Variants in ABCD2 observed in about 807,000 individuals in gnomAD.
ABCD2 encodes the protein ATP binding cassette subfamily D member 2, also known as ATP-binding cassette sub-family D member 2.
A neutral mutation model predicts 70.9 loss-of-function variants in ABCD2; 36 were observed. The observed-to-expected ratio is 0.51, with a 90% CI of 0.39 to 0.67. The LOEUF is 0.67. ABCD2 is among the 30% of genes least tolerant of loss of function. The pLI is 0.00. For synonymous variants in ABCD2, 304 were observed against 306.9 expected (o/e 0.99, Z 0.10); for missense variants, 729 against 890.2 (o/e 0.82, Z 2.30).
At chr12:39,548,168 A>T (rs1941044519), downstream of ABCD2, among the ~76,000 whole-genome samples, 1 of 152,068 alleles carries the variant, frequency 6.6e-6, no homozygotes, top group African/African-American at 2.4e-5. Flanking sequence ...CAGAAGGGTA[A>T]ACAACTAATA....
intron 2 of ABCD2, among the ~76,000 whole-genome samples, chr12:39,615,968 A>G (rs1942109497): frequency 6.6e-6 from 1 of 152,134 alleles, no homozygotes; most frequent in Non-Finnish European, 1.5e-5. Flanking sequence ...CATAAACATT[A>G]TTCAGTTAAA....
intron 9 of ABCD2, among the ~76,000 whole-genome samples, chr12:39,559,885 C>G (rs961836455): frequency 5.3e-5 from 8 of 152,036 alleles, no homozygotes; most frequent in Non-Finnish European, 8.8e-5. Context: ...GAGTTCTTCA[C>G]ATTGAAAGAA....
intron 9 of ABCD2, among the ~76,000 whole-genome samples, chr12:39,565,866 T>TGTTATC (rs1370587565): frequency 3.3e-5 from 5 of 152,204 alleles, no homozygotes; most frequent in African/African-American, 1.2e-4. Flanking sequence ...TAGAGGCCTT[T>TGTTATC]TCTGCATCTA....
chr12:39,579,046 T>C (rs1001983027), intron 8 of ABCD2, among the ~76,000 whole-genome samples: 5 of 152,134 alleles, frequency 3.3e-5, no homozygotes, highest in African/African-American at 1.2e-4. Context: ...GAAAAACAAA[T>C]ACTTGGAGAT....
At chr12:39,556,374 A>G (rs1018432853) in intron 9 of ABCD2, among the ~76,000 whole-genome samples, 3 of 152,168 alleles carry the variant, frequency 2.0e-5, no homozygotes, top group Non-Finnish European at 4.4e-5. Context: ...AGGCGTAGGC[A>G]GTTGGATCAT....
intron 6 of ABCD2, among the ~76,000 whole-genome samples, chr12:39,588,853 T>C (rs760613332): frequency 6.6e-6 from 1 of 152,006 alleles, no homozygotes; most frequent in Non-Finnish European, 1.5e-5. Flanking sequence ...AAAGAAACTA[T>C]AATAAATAGA....
At chr12:39,554,997 C>G (rs1032172039) in intron 9 of ABCD2, among the ~76,000 whole-genome samples, 1 of 149,714 alleles carries the variant, frequency 6.7e-6, no homozygotes, top group Non-Finnish European at 1.5e-5. Context: ...TAACTATGAT[C>G]GGTGGGCTTT....
At chr12:39,579,413 A>C (rs1204165121) in intron 8 of ABCD2, 122 bp downstream of exon 8, 4 of 669,250 alleles carry the variant, frequency 6.0e-6, no homozygotes, top group Non-Finnish European at 1.0e-5. Flanking sequence ...CTAATTTTGT[A>C]GTAAGATATT....
intron 2 of ABCD2, among the ~76,000 whole-genome samples, 174 bp from the exon 3 acceptor site, chr12:39,607,888 C>T (rs1364491164): frequency 6.6e-6 from 1 of 151,890 alleles, no homozygotes; most frequent in East Asian, 1.9e-4. Context: ...AGTGTTTGGG[C>T]TGGGTGCAGT....
At chr12:39,570,499 T>C (rs1310974639) in intron 9 of ABCD2, among the ~76,000 whole-genome samples, 1 of 152,184 alleles carries the variant, frequency 6.6e-6, no homozygotes, top group African/African-American at 2.4e-5. Flanking sequence ...GGCAGTATCC[T>C]CAATAAATTG....
chr12:39,532,429 G>A, the ABCD2 span, among the ~76,000 whole-genome samples: 1 of 151,890 alleles, frequency 6.6e-6, no homozygotes, highest in Admixed American at 6.6e-5. Context: ...TATTTTTTTT[G>A]CCAGTTTGAT....
intron 9 of ABCD2, 36 bp downstream of exon 9, chr12:39,573,680 A>C (rs767296686): frequency 6.3e-7 from 1 of 1,582,144 alleles, no homozygotes; most frequent in South Asian, 1.2e-5. Flanking sequence ...TTTAAGGAAA[A>C]ACCATCTACC....
At position 39,568,649 on chromosome 12, in the gene ABCD2, G is replaced by A. The variant is rs138823635; in HGVS notation, c.2003+5067C>T. Reference sequence around the variant, plus strand: ...ACTCGTCAAAGTCATTTTCCATCCAGCTTTGTTCCGTTGCTGGTGAGGAGC... The same window carrying A: ...ACTCGTCAAAGTCATTTTCCATCCAACTTTGTTCCGTTGCTGGTGAGGAGC... On this transcript the variant is annotated intron_variant, in intron 9 of 9. Transcript: ENST00000308666. Among the ~76,000 whole-genome samples, 440 of 152,258 alleles carry A rather than the reference G, an allele frequency of 2.9e-3. 7 individuals are homozygous for A. In the East Asian group the frequency reaches 0.07, roughly 24 times the overall value.
At chr12:39,600,797 T>C (rs1941886750) in intron 5 of ABCD2, 81 bp from the exon 6 acceptor site, 1 of 1,311,662 alleles carries the variant, frequency 7.6e-7, no homozygotes, top group South Asian at 1.4e-5. Context: ...ATTATTTTTT[T>C]AAAATGTTCG....
intron 9 of ABCD2, among the ~76,000 whole-genome samples, chr12:39,564,351 T>A (rs984832427): frequency 6.6e-6 from 1 of 152,164 alleles, no homozygotes; most frequent in Admixed American, 6.5e-5. Flanking sequence ...CTCACTGTGG[T>A]TTTTGATTTG....
At chr12:39,613,639 G>A in intron 2 of ABCD2, among the ~76,000 whole-genome samples, 1 of 152,050 alleles carries the variant, frequency 6.6e-6, no homozygotes, top group East Asian at 1.9e-4. Context: ...TAGCTAATAT[G>A]GTGGCAGCAT....
In ABCD2 at chr12:39,579,622, T is replaced by C; in HGVS notation, c.1793-3A>G. ...CCAGTCCATAACAGCATCCCATCCT[T>C]AAGAAAATAAAAAAATATACATTTT... is the stretch of plus-strand genomic sequence containing the variant. On this transcript the variant is annotated splice_polypyrimidine_tract_variant and splice_region_variant and intron_variant, in intron 7 of 9. Transcript: ENST00000308666. The C allele has an allele frequency of 6.3e-7, 1 of 1,595,810 alleles. No individual in the cohort carries two copies. The highest frequency in any genetic ancestry group is 8.6e-7 in the Non-Finnish European group (1 of 1,169,430).
intron 9 of ABCD2, among the ~76,000 whole-genome samples, chr12:39,559,813 C>T (rs551781684): frequency 1.3e-5 from 2 of 152,196 alleles, no homozygotes; most frequent in Non-Finnish European, 2.9e-5. Flanking sequence ...TAGACTTTCC[C>T]ACACAAACTA....
chr12:39,553,161 T>C lies in ABCD2; in HGVS notation c.*751A>G, dbSNP rs1379846731. 6.6e-6 allele frequency: 1 copy of C among 152,042 alleles called. No individual in the cohort carries two copies. Among genetic ancestry groups the C allele is most frequent in the Admixed American group, 6.6e-5 (1 of 15,256 alleles). 9.4% of individuals were successfully genotyped at this position (152,042 alleles called of 1,614,324 possible). ...CTGAACAGAAGTTGCAATAGGTAAT[T>C]CTGCTAAGGAAATTATCAGGTTGAG... On this transcript the variant is annotated 3_prime_UTR_variant, in exon 10 of 10. Coordinates refer to ENST00000308666, the MANE Select transcript of ABCD2 (RefSeq NM_005164.4).
Sources: gnomAD v4.1 joint callset for allele counts (sites outside exome capture counted in the v4.1 genomes callset) on GRCh38, gnomAD v4.1.1 for gene constraint, MANE v1.5 for transcripts, NCBI Gene and HGNC (gene_info 2026-07-23, HGNC 2026-07-21) for gene names.